The following TPTE2 variants were observed in gnomAD, a reference collection of about 807,000 sequenced individuals.
The protein encoded by TPTE2 is transmembrane phosphoinositide 3-phosphatase and tensin homolog 2.
In TPTE2, 53 loss-of-function variants were observed where a neutral mutation model predicts 78.6. That is an observed-to-expected ratio of 0.67 (90% CI 0.54 to 0.85). The LOEUF (loss-of-function observed/expected upper bound fraction) is 0.85. Among genes scored for constraint, TPTE2 ranks in the 40% least tolerant of loss-of-function variants. The pLI, the probability that TPTE2 is intolerant of heterozygous loss-of-function variation, is 0.00. For missense variants in TPTE2, 461 were observed against 623.0 expected (o/e 0.74, Z 2.77); for synonymous variants, 175 against 206.2 (o/e 0.85, Z 1.30).
At chr13:19,497,788 A>C (rs538733088) in intron 1 of TPTE2, among the ~76,000 whole-genome samples, 3 of 151,448 alleles carry the variant, frequency 2.0e-5, no homozygotes, top group Non-Finnish European at 3.0e-5. Context: ...CAACGGAACA[A>C]AGCTGGATGG....
exon 6 of TPTE2, chr13:19,473,944 A>G: frequency 6.2e-7 from 1 of 1,605,486 alleles, no homozygotes; most frequent in Non-Finnish European, 8.5e-7. Context: ...AAGAACATCC[A>G]TGAGAAAAAA....
intron 15 of TPTE2, among the ~76,000 whole-genome samples, chr13:19,433,242 G>A (rs1263944908): frequency 5.9e-5 from 9 of 152,192 alleles, no homozygotes; most frequent in Admixed American, 1.3e-4. Flanking sequence ...GGTGGCTCCC[G>A]CCTGTAATCC....
At chr13:19,440,116 T>C (rs1409043960) in intron 13 of TPTE2, among the ~76,000 whole-genome samples, 3 of 152,096 alleles carry the variant, frequency 2.0e-5, no homozygotes, top group Non-Finnish European at 4.4e-5. Context: ...TGTGAGATAC[T>C]ATAAAAAATG....
At chr13:19,496,361 C>G (rs569660718) in intron 1 of TPTE2, among the ~76,000 whole-genome samples, 1 of 152,230 alleles carries the variant, frequency 6.6e-6, no homozygotes, top group Non-Finnish European at 1.5e-5. Flanking sequence ...GGCCAATGCA[C>G]GACAGCCTTT....
At chr13:19,542,288 G>A in the TPTE2 span, among the ~76,000 whole-genome samples, 3 of 152,048 alleles carry the variant, frequency 2.0e-5, no homozygotes, top group South Asian at 6.2e-4. Flanking sequence ...AAGTCACTGG[G>A]ATTACAGACG....
chr13:19,532,169 T>C (rs1416087977), intron 1 of TPTE2, among the ~76,000 whole-genome samples: 1 of 152,180 alleles, frequency 6.6e-6, no homozygotes, highest in African/African-American at 2.4e-5. Flanking sequence ...ACAGGTCTCC[T>C]GCAGGGAAGG....
chr13:19,425,738 T>C (rs746645567), intron 18 of TPTE2: 5 of 516,788 alleles, frequency 9.7e-6, no homozygotes, highest in Non-Finnish European at 1.9e-5. Context: ...CTCAGGTCCC[T>C]CCCTCTCTCT....
chr13:19,423,015 A>T, exon 20 of TPTE2: 1 of 1,599,996 alleles, frequency 6.3e-7, no homozygotes, highest in Non-Finnish European at 8.5e-7. Context: ...CCAGAAGGGG[A>T]AGGGGGAGCT....
chr13:19,445,289 A>C (rs1484568783), intron 13 of TPTE2, among the ~76,000 whole-genome samples: 1 of 152,226 alleles, frequency 6.6e-6, no homozygotes, highest in Non-Finnish European at 1.5e-5. Context: ...AAAATGGTTA[A>C]GAAAATAAAA....
At chr13:19,509,851 GA>G (rs1869314994) in intron 1 of TPTE2, among the ~76,000 whole-genome samples, 5 of 152,176 alleles carry the variant, frequency 3.3e-5, no homozygotes, top group Admixed American at 2.6e-4. Flanking sequence ...TATAAACAAG[GA>G]AAAAGGATGA....
exon 13 of TPTE2, chr13:19,450,124 C>G (rs1307082772): frequency 1.2e-6 from 2 of 1,611,284 alleles, no homozygotes; most frequent in Non-Finnish European, 1.7e-6. Flanking sequence ...AGATCTTGAG[C>G]CATCCACTCA....
rs189394536 is a variant in TPTE2 at position 19,484,325 on chromosome 13, A to C, written c.120-1778T>G. On this transcript the variant is annotated intron_variant, in intron 3 of 19. Coordinates refer to ENST00000400230, the Ensembl canonical transcript of TPTE2. ...TTATTCCACTGTGGTAAGATAAGATACCTGATAGAATTTCAATTTTTAAAA... is the reference window on the plus strand; with the variant it reads ...TTATTCCACTGTGGTAAGATAAGATCCCTGATAGAATTTCAATTTTTAAAA... Among the ~76,000 whole-genome samples the C allele has an allele frequency of 7.1e-4, 108 of 152,330 alleles. 1 individual carries two copies. The highest frequency in any genetic ancestry group is 2.3e-3 in the African/African-American group (97 of 41,582).
intron 1 of TPTE2, among the ~76,000 whole-genome samples, chr13:19,510,061 A>C (rs1473676898): frequency 6.6e-6 from 1 of 152,220 alleles, no homozygotes; most frequent in Non-Finnish European, 1.5e-5. Flanking sequence ...GTAAAATAAT[A>C]AGGCAAAAAG....
At chr13:19,459,491 G>C (rs1878751999) in intron 10 of TPTE2, among the ~76,000 whole-genome samples, 1 of 152,190 alleles carries the variant, frequency 6.6e-6, no homozygotes, top group Non-Finnish European at 1.5e-5. Flanking sequence ...ATCCAAAGAA[G>C]CAGTCTGGCT....
intron 1 of TPTE2, among the ~76,000 whole-genome samples, chr13:19,534,480 G>A (rs577958817): frequency 6.6e-6 from 1 of 152,238 alleles, no homozygotes; most frequent in South Asian, 2.1e-4. Flanking sequence ...TGAAATCATG[G>A]AAAATATTAG....
the TPTE2 span, among the ~76,000 whole-genome samples, chr13:19,550,303 G>A: frequency 3.3e-5 from 5 of 152,064 alleles, no homozygotes; most frequent in African/African-American, 9.7e-5. Flanking sequence ...GATAAATTCC[G>A]TTGGAGTTTG....
intron 1 of TPTE2, among the ~76,000 whole-genome samples, chr13:19,509,112 GT>G (rs1869263179): frequency 6.6e-6 from 1 of 152,090 alleles, no homozygotes; most frequent in Non-Finnish European, 1.5e-5. Flanking sequence ...ACATGACAAA[GT>G]TTGTAGGATA....
chr13:19,465,751 T>G (rs1294879990), intron 7 of TPTE2, among the ~76,000 whole-genome samples, 187 bp from the exon 11 acceptor site: 2 of 152,156 alleles, frequency 1.3e-5, no homozygotes. Context: ...TGCATGTGTG[T>G]TTGTGTCTGT....
rs1350220093 is a variant in TPTE2, at chr13:19,501,756, T to G, written c.11+1468A>C. Among the ~76,000 whole-genome samples, 9 of 151,872 alleles carry G rather than the reference T, an allele frequency of 5.9e-5. No individual in the cohort carries two copies. The South Asian group carries it at 1.9e-3, about 32-fold the overall frequency. On this transcript the variant is annotated intron_variant, in intron 1 of 19. Coordinates refer to ENST00000400230, the Ensembl canonical transcript of TPTE2. ...CATAGGCATGGGCAAGGACTTCATG[T>G]CTAAAACACCAAAAGCAATGGCAAG... is the stretch of plus-strand genomic sequence containing the variant.
Sources: allele counts gnomAD v4.1 joint callset (sites outside exome capture counted in the v4.1 genomes callset), GRCh38; gene constraint gnomAD v4.1.1; transcripts MANE v1.5; gene names NCBI Gene and HGNC (gene_info 2026-07-23, HGNC 2026-07-21).